TRAPPC9: variants seen among roughly 807,000 people sequenced by gnomAD.
TRAPPC9 encodes IKK2 binding protein.
A neutral mutation model predicts 124.0 loss-of-function variants in TRAPPC9; 83 were observed. The ratio of observed to expected loss-of-function variants is 0.67; its 90% CI spans 0.56 to 0.80. The LOEUF is 0.80. Among genes scored for constraint, TRAPPC9 ranks in the 30% least tolerant of loss-of-function variants. The pLI, the probability that TRAPPC9 is intolerant of heterozygous loss-of-function variation, is 0.00. For synonymous variants in TRAPPC9, 638 were observed against 617.5 expected, an observed-to-expected ratio of 1.03 and a Z score of -0.49; for missense variants, 1,302 against 1,508.3, an observed-to-expected ratio of 0.86 and a Z score of 2.27.
At chr8:139,885,992 G>T (rs1330423754) in intron 20 of TRAPPC9, 23 bp from the exon 21 acceptor site, 8 of 1,552,890 alleles carry the variant, frequency 5.2e-6, no homozygotes, top group Non-Finnish European at 7.0e-6. Context: ...CAAGGAAAAC[G>T]CAACTCCTGC....
At chr8:139,921,319 G>C (rs1290659710) in intron 19 of TRAPPC9, among the ~76,000 whole-genome samples, 1 of 152,240 alleles carries the variant, frequency 6.6e-6, no homozygotes. Flanking sequence ...TGGTTCAGCA[G>C]TGTTCAGAGA....
At chr8:140,383,392 T>G (rs1420746970) in intron 7 of TRAPPC9, among the ~76,000 whole-genome samples, 3 of 152,086 alleles carry the variant, frequency 2.0e-5, no homozygotes, top group Admixed American at 2.0e-4. Context: ...TCGAACCCAT[T>G]GCAAAGAACT....
Position 140,451,409 on chromosome 8 carries a change from G to A in TRAPPC9, c.-10-26C>T, listed in dbSNP as rs9657463. ...CTGTTCAGAGAGAAGAAATGAGGCT[G>A]TGAGACACAGAGTCCTGAGTGCTGA... On this transcript the variant is annotated intron_variant, in intron 1 of 22. Transcript: ENST00000438773. The A allele has an allele frequency of 0.026, 41,658 of 1,578,466 alleles. 1,081 individuals are homozygous for A. Among genetic ancestry groups the A allele is most frequent in the African/African-American group, 0.13 (10,025 of 74,582 alleles).
At chr8:139,987,085 G>A (rs1033333803) in intron 19 of TRAPPC9, among the ~76,000 whole-genome samples, 2 of 152,182 alleles carry the variant, frequency 1.3e-5, no homozygotes, top group Non-Finnish European at 2.9e-5. Context: ...GTGCTGTTCT[G>A]TGTATGAGTA....
At chr8:140,045,786 C>T (rs545518153) in intron 17 of TRAPPC9, among the ~76,000 whole-genome samples, 3 of 151,970 alleles carry the variant, frequency 2.0e-5, no homozygotes, top group Admixed American at 6.6e-5. Context: ...AGCTCAGCCT[C>T]GAGGTGGCAG....
In TRAPPC9 at chr8:139,766,961, C is replaced by T. The variant is rs74737894; in HGVS notation, c.3056-34759G>A. Among the ~76,000 whole-genome samples, 124 of 152,352 alleles carry T rather than the reference C, an allele frequency of 8.1e-4. 3 individuals are homozygous for T. In the East Asian group the frequency reaches 0.017, roughly 21 times the overall value. On this transcript the variant is annotated intron_variant, in intron 21 of 22. Coordinates refer to ENST00000438773, the MANE Select transcript of TRAPPC9 (RefSeq NM_001160372.4). ...GTCCTCACCTGCATGTCTGTGCCCA[C>T]CACATGACTGTGAGCCCCTGGAGTG...
intron 17 of TRAPPC9, among the ~76,000 whole-genome samples, chr8:140,101,042 A>G (rs1266416906): frequency 1.3e-5 from 2 of 152,262 alleles, no homozygotes; most frequent in African/African-American, 4.8e-5. Context: ...GTTTTTGTAC[A>G]TAGAGTGCTA....
intron 19 of TRAPPC9, among the ~76,000 whole-genome samples, chr8:139,913,086 C>T (rs117721604): frequency 0.028 from 4,262 of 152,276 alleles, 93 homozygotes; most frequent in Admixed American, 0.068. Context: ...TCAGAGCACA[C>T]GCTGGATGCT....
chr8:140,446,747 G>A (rs2071274995), intron 2 of TRAPPC9, among the ~76,000 whole-genome samples: 1 of 151,964 alleles, frequency 6.6e-6, no homozygotes, highest in Non-Finnish European at 1.5e-5. Context: ...TACAGACAGG[G>A]TTTCACCATG....
intron 19 of TRAPPC9, among the ~76,000 whole-genome samples, chr8:139,923,528 A>T (rs1832633383): frequency 6.6e-6 from 1 of 152,150 alleles, no homozygotes; most frequent in African/African-American, 2.4e-5. Context: ...CCACCTGGCT[A>T]ACCTCATCTC....
At chr8:139,853,207 T>C (rs1216406841) in intron 21 of TRAPPC9, among the ~76,000 whole-genome samples, 2 of 152,162 alleles carry the variant, frequency 1.3e-5, no homozygotes, top group South Asian at 2.1e-4. Context: ...TCGGCTCCTG[T>C]AGCACATGGC....
rs559079325 is a variant in TRAPPC9, at chr8:139,825,165, G to A, written c.3055+60714C>T. Among the ~76,000 whole-genome samples, 92 of 152,302 alleles carry A rather than the reference G, an allele frequency of 6.0e-4. No individual in the cohort carries two copies. The highest frequency in any genetic ancestry group is 8.5e-4 in the Admixed American group (13 of 15,304). ...CAGGATTACAGAGGGGTCTGAGAAG[G>A]TCTTACTGAGGCATGGGGTGGCCTC... On this transcript the variant is annotated intron_variant, in intron 21 of 22. Transcript: ENST00000438773. This position sits in a 1 kb window ranked among gnomAD's most constrained non-coding sequence, Gnocchi z 4.6.
At chr8:140,339,787 T>G (rs2067143847) in intron 9 of TRAPPC9, among the ~76,000 whole-genome samples, 1 of 152,216 alleles carries the variant, frequency 6.6e-6, no homozygotes, top group Non-Finnish European at 1.5e-5. Context: ...CAGAGATGCC[T>G]ACATTTTCAT....
At chr8:140,288,187 T>A (rs897162445) in intron 12 of TRAPPC9, among the ~76,000 whole-genome samples, 39 of 151,996 alleles carry the variant, frequency 2.6e-4, no homozygotes, top group South Asian at 2.3e-3. Flanking sequence ...ACAAAAAAAA[T>A]TTTTAATTAG....
intron 2 of TRAPPC9, among the ~76,000 whole-genome samples, chr8:140,443,113 C>T (rs140830430): frequency 0.017 from 1,779 of 102,912 alleles, 19 homozygotes; most frequent in Non-Finnish European, 0.023. Flanking sequence ...GGCCTGGCAA[C>T]GGAGCGAGAC....
intron 17 of TRAPPC9, among the ~76,000 whole-genome samples, chr8:140,038,262 G>C (rs1052241089): frequency 6.6e-6 from 1 of 152,186 alleles, no homozygotes; most frequent in East Asian, 1.9e-4. Context: ...CACAGGTGCT[G>C]GTTCCTGCAT....
At chr8:139,927,151 C>T (rs1425049058) in intron 19 of TRAPPC9, among the ~76,000 whole-genome samples, 1 of 152,242 alleles carries the variant, frequency 6.6e-6, no homozygotes, top group Non-Finnish European at 1.5e-5. Context: ...ATGAAACAGA[C>T]TGACCACATC....
Position 140,035,559 on chromosome 8 carries a change from C to T in TRAPPC9, c.2557-11480G>A, listed in dbSNP as rs560520297. On this transcript the variant is annotated intron_variant, in intron 17 of 22. Coordinates refer to ENST00000438773, the MANE Select transcript of TRAPPC9 (RefSeq NM_001160372.4). The stretch of plus-strand genomic sequence containing the variant: ...CTGCCAGACACAATGCTGGGAGCTG[C>T]GCACACTGGGTCTCTCTCAGGACTT... Among the ~76,000 whole-genome samples, 14 of 152,336 alleles carry T rather than the reference C, an allele frequency of 9.2e-5. No individual in the cohort carries two copies. In the East Asian group the frequency reaches 1.4e-3, roughly 15 times the overall value.
intron 6 of TRAPPC9, among the ~76,000 whole-genome samples, chr8:140,403,287 G>A (rs1459874979): frequency 1.3e-5 from 2 of 151,994 alleles, no homozygotes; most frequent in Non-Finnish European, 1.5e-5. Context: ...AAAATTAGCC[G>A]GGCATGGTGG....
Sources: allele counts gnomAD v4.1 joint callset (sites outside exome capture counted in the v4.1 genomes callset), GRCh38; gene constraint gnomAD v4.1.1; non-coding constraint Gnocchi (gnomAD v3.1); transcripts MANE v1.5; gene names NCBI Gene and HGNC (gene_info 2026-07-23, HGNC 2026-07-21).